Variants in RUFY3 observed in about 807,000 individuals in gnomAD.
RUFY3 encodes RUN and FYVE domain containing 3, also known as protein RUFY3.
RUFY3 carries 34 observed loss-of-function variants against 84.0 expected under a neutral mutation model. The observed-to-expected ratio is 0.40, with a 90% CI of 0.31 to 0.54. The LOEUF is 0.54. Among genes scored for constraint, RUFY3 ranks in the 20% least tolerant of loss-of-function variants. The probability of loss-of-function intolerance (pLI) is 0.39; values close to 1 mark genes in which losing one functional copy is unlikely to be tolerated. For synonymous variants in RUFY3, 242 were observed against 252.9 expected, an observed-to-expected ratio of 0.96 and a Z score of 0.41; for missense variants, 507 against 736.8, an observed-to-expected ratio of 0.69 and a Z score of 3.61.
At chr4:70,792,196 G>A (rs1730937814) in intron 12 of RUFY3, 33 of 985,406 alleles carry the variant, frequency 3.3e-5, no homozygotes, top group Non-Finnish European at 3.9e-5. Flanking sequence ...AAAGGACAGG[G>A]TATAGACATG....
Position 70,722,568 on chromosome 4 carries a change from GTCA to G in RUFY3, c.-1_2del. 1 of 1,611,554 alleles carries G rather than the reference GTCA, an allele frequency of 6.2e-7. No individual in the cohort carries two copies. The highest frequency in any genetic ancestry group is 8.5e-7 in the Non-Finnish European group (1 of 1,179,120). ...GTGTGTGTGTTGTGGTCCCAGCTGA[GTCA>G]TCATGTCTGCTCTGACGCCTCCGAC... is the stretch of plus-strand genomic sequence containing the variant. On this transcript the variant is annotated 5_prime_UTR_variant, in exon 1 of 18. Coordinates refer to ENST00000381006, the MANE Select transcript of RUFY3 (RefSeq NM_001037442.4).
intron 7 of RUFY3, among the ~76,000 whole-genome samples, chr4:70,777,661 T>C (rs1728182701): frequency 6.6e-6 from 1 of 152,188 alleles, no homozygotes; most frequent in Non-Finnish European, 1.5e-5. Context: ...GCACTATTAT[T>C]TACTCTTTCT....
At chr4:70,789,464 A>G in intron 11 of RUFY3, 31 bp from the exon 12 acceptor site, 1 of 1,589,636 alleles carries the variant, frequency 6.3e-7, no homozygotes. Context: ...TTTATGTTAT[A>G]CAGGTTGTTT....
chr4:70,791,294 T>C (rs373739541), intron 12 of RUFY3: 1 of 1,613,152 alleles, frequency 6.2e-7, no homozygotes, highest in Non-Finnish European at 8.5e-7. Flanking sequence ...CAAAACATCA[T>C]TAGGCATTTT....
intron 1 of RUFY3, among the ~76,000 whole-genome samples, chr4:70,753,049 T>A (rs1578087447): frequency 6.6e-6 from 1 of 152,178 alleles, no homozygotes; most frequent in South Asian, 2.1e-4. Flanking sequence ...ATGCTATTTT[T>A]TTATTATTAT....
chr4:70,792,266 C>G, intron 12 of RUFY3: 5 of 984,564 alleles, frequency 5.1e-6, no homozygotes, highest in Non-Finnish European at 6.0e-6. Flanking sequence ...TTAAGAGTTT[C>G]TGTTACTTTT....
chr4:70,782,500 G>T (rs1178195468), intron 8 of RUFY3, among the ~76,000 whole-genome samples: 1 of 151,894 alleles, frequency 6.6e-6, no homozygotes, highest in South Asian at 2.1e-4. Flanking sequence ...GGCCAGGATG[G>T]TCTCGATCTC....
At chr4:70,710,326 G>A (rs1740830083) in intron 1 of RUFY3, among the ~76,000 whole-genome samples, 1 of 152,112 alleles carries the variant, frequency 6.6e-6, no homozygotes, top group East Asian at 1.9e-4. Context: ...TTCCTCTGTG[G>A]ACATTTCTGT....
At chr4:70,737,581 C>G (rs867361946) in intron 1 of RUFY3, among the ~76,000 whole-genome samples, 2 of 152,130 alleles carry the variant, frequency 1.3e-5, no homozygotes, top group East Asian at 1.9e-4. Context: ...CGCTCACCCC[C>G]CATCAGGCTC....
chr4:70,734,321 C>A, intron 1 of RUFY3: 3 of 776,372 alleles, frequency 3.9e-6, no homozygotes, highest in Non-Finnish European at 4.7e-6. Context: ...TTGTTCTTTG[C>A]TTTCACTGTG....
At chr4:70,725,551 G>A (rs147089523) in intron 1 of RUFY3, among the ~76,000 whole-genome samples, 61 of 152,114 alleles carry the variant, frequency 4.0e-4, no homozygotes, top group African/African-American at 1.2e-3. Flanking sequence ...GGCTGGTCTC[G>A]AACTCCCAAC....
intron 8 of RUFY3, among the ~76,000 whole-genome samples, chr4:70,781,447 C>T (rs1728903366): frequency 6.6e-6 from 1 of 152,068 alleles, no homozygotes; most frequent in South Asian, 2.1e-4. Context: ...CCACCACACT[C>T]CAACCTGGGC....
intron 1 of RUFY3, among the ~76,000 whole-genome samples, chr4:70,747,405 G>T (rs1222349349): frequency 6.6e-6 from 1 of 151,904 alleles, no homozygotes; most frequent in Non-Finnish European, 1.5e-5. Flanking sequence ...CCCACTAAAG[G>T]GTTGTGACCT....
At chr4:70,793,003 T>G (rs1731056757) in intron 12 of RUFY3, 4 of 985,254 alleles carry the variant, frequency 4.1e-6, no homozygotes, top group African/African-American at 1.7e-5. Context: ...ACACATAGCA[T>G]GCGTTTAAAT....
chr4:70,734,217 A>G (rs1339305512), intron 1 of RUFY3: 1 of 185,244 alleles, frequency 5.4e-6, no homozygotes, highest in Non-Finnish European at 1.0e-5. Context: ...GTCTAGATTT[A>G]GAAGCATTTA....
chr4:70,790,613 T>G (rs1730653653), intron 12 of RUFY3, among the ~76,000 whole-genome samples: 1 of 152,228 alleles, frequency 6.6e-6, no homozygotes, highest in Non-Finnish European at 1.5e-5. Context: ...AGCTTCATAC[T>G]CATATCTATC....
intron 1 of RUFY3, among the ~76,000 whole-genome samples, chr4:70,728,019 A>G (rs1718584195): frequency 6.6e-6 from 1 of 152,204 alleles, no homozygotes; most frequent in African/African-American, 2.4e-5. Flanking sequence ...GGATTTTTAA[A>G]GAATGAAATC....
intron 10 of RUFY3, among the ~76,000 whole-genome samples, chr4:70,786,425 T>C (rs1202574100): frequency 2.6e-5 from 4 of 151,944 alleles, no homozygotes; most frequent in East Asian, 3.9e-4. Context: ...ATAATAGATA[T>C]ACATAGCTCT....
chr4:70,787,852 GA>G (rs1167742583), intron 10 of RUFY3, among the ~76,000 whole-genome samples: 1 of 152,086 alleles, frequency 6.6e-6, no homozygotes, highest in Non-Finnish European at 1.5e-5. Flanking sequence ...AAGAAACTAA[GA>G]AAGTATTTGA....
Sources: allele counts gnomAD v4.1 joint callset (sites outside exome capture counted in the v4.1 genomes callset), GRCh38; gene constraint gnomAD v4.1.1; transcripts MANE v1.5; gene names NCBI Gene and HGNC (gene_info 2026-07-23, HGNC 2026-07-21).